MYO10: variants seen among roughly 807,000 people sequenced by gnomAD.
MYO10 encodes the protein unconventional myosin-X.
A neutral mutation model predicts 257.3 loss-of-function variants in MYO10; 133 were observed. That is an observed-to-expected ratio of 0.52 (90% CI 0.45 to 0.60). MYO10 has a LOEUF of 0.60. Ranked by LOEUF, MYO10 falls within the 20% of genes least tolerant of loss-of-function variation. The probability of loss-of-function intolerance (pLI) is 0.00; values close to 1 mark genes in which losing one functional copy is unlikely to be tolerated. For missense variants in MYO10, 2,399 were observed against 2,635.7 expected (o/e 0.91, Z 1.97); for synonymous variants, 1,104 against 1,028.6 (o/e 1.07, Z -1.40).
At position 16,664,555 on chromosome 5, in the gene MYO10, G is replaced by A. The variant is rs1283543861; in HGVS notation, c.*2137C>T. 6.6e-6 allele frequency: 1 copy of A among 152,228 alleles called. No homozygotes were observed. Among genetic ancestry groups the A allele is most frequent in the Non-Finnish European group, 1.5e-5 (1 of 68,054 alleles). 9.4% of individuals were successfully genotyped at this position (152,228 alleles called of 1,614,324 possible). ...GAAGCCATCCGTGAGCATGAGCAGA[G>A]GGTGGGAGTCAGTGGTCTGCAAGAG... On this transcript the variant is annotated 3_prime_UTR_variant, in exon 41 of 41. Transcript: ENST00000513610.
At chr5:16,906,536 C>A (rs914648219) in intron 1 of MYO10, among the ~76,000 whole-genome samples, 5 of 152,170 alleles carry the variant, frequency 3.3e-5, no homozygotes, top group Admixed American at 1.3e-4. Flanking sequence ...CTTCTTCAGG[C>A]CCAGGAACAT....
At chr5:16,890,630 A>G (rs1745022468) in intron 1 of MYO10, among the ~76,000 whole-genome samples, 2 of 151,686 alleles carry the variant, frequency 1.3e-5, no homozygotes, top group African/African-American at 4.9e-5. Context: ...ACCTGAGGTC[A>G]GGAGTTCGAG....
At chr5:16,858,708 T>A (rs1015692637) in intron 2 of MYO10, among the ~76,000 whole-genome samples, 1 of 152,080 alleles carries the variant, frequency 6.6e-6, no homozygotes, top group Non-Finnish European at 1.5e-5. Context: ...GCCTGTAATC[T>A]CAACACTCTG....
At chr5:16,676,588 T>C (rs1490608909) in intron 33 of MYO10, among the ~76,000 whole-genome samples, 1 of 152,022 alleles carries the variant, frequency 6.6e-6, no homozygotes, top group Non-Finnish European at 1.5e-5. Flanking sequence ...GGTGGCTGAG[T>C]AGCTGTAATC....
chr5:16,935,290 C>T (rs1746402871), intron 1 of MYO10, among the ~76,000 whole-genome samples: 2 of 152,226 alleles, frequency 1.3e-5, no homozygotes, highest in South Asian at 4.1e-4. Context: ...CGATTAAACC[C>T]TTGCCTCTCC....
chr5:16,762,646 AG>A lies in MYO10; in HGVS notation c.1495-10del, dbSNP rs761190545. 2 of 1,569,946 alleles carry A rather than the reference AG, an allele frequency of 1.3e-6. No individual in the cohort carries two copies. Among genetic ancestry groups the A allele is most frequent in the Non-Finnish European group, 1.7e-6 (2 of 1,152,478 alleles). On this transcript the variant is annotated splice_polypyrimidine_tract_variant and intron_variant, in intron 14 of 40. Transcript: ENST00000513610. ...GCTAGGAGGCCAAGTTTCTAGAAGAAGAAAAAGAAAAAATGAATTAAAAGTT... is the reference window on the plus strand; with the variant it reads ...GCTAGGAGGCCAAGTTTCTAGAAGAAAAAAAGAAAAAATGAATTAAAAGTT...
At position 16,764,470 on chromosome 5, in the gene MYO10, T is replaced by C. The variant is rs1322795200; in HGVS notation, c.1180-74A>G. The stretch of plus-strand genomic sequence containing the variant: ...ACAGGCAAGGCCATCCATTCCCCAC[T>C]TGAGAGACACACACAAGACTAGCAT... On this transcript the variant is annotated intron_variant, in intron 11 of 40. Coordinates refer to ENST00000513610, the MANE Select transcript of MYO10 (RefSeq NM_012334.3). The C allele has an allele frequency of 1.1e-5, 17 of 1,547,884 alleles. No individual in the cohort carries two copies. In the African/African-American group the frequency reaches 1.5e-4, roughly 14 times the overall value.
intron 27 of MYO10, among the ~76,000 whole-genome samples, chr5:16,693,960 ACTC>A (rs1315563458): frequency 6.6e-6 from 1 of 151,792 alleles, no homozygotes; most frequent in Non-Finnish European, 1.5e-5. Context: ...ATTTCGGAAA[ACTC>A]CTCCAGTCTG....
intron 29 of MYO10, among the ~76,000 whole-genome samples, chr5:16,684,437 C>T (rs1395123726): frequency 6.6e-6 from 1 of 152,106 alleles, no homozygotes; most frequent in Non-Finnish European, 1.5e-5. Flanking sequence ...GATGGGGTCT[C>T]GCCATGTTGG....
At chr5:16,718,920 C>A (rs1739022820) in intron 19 of MYO10, among the ~76,000 whole-genome samples, 1 of 152,154 alleles carries the variant, frequency 6.6e-6, no homozygotes, top group Non-Finnish European at 1.5e-5. Context: ...TGTAAACGCG[C>A]CAATCAGCGC....
chr5:16,871,743 G>C (rs1230068646), intron 2 of MYO10, among the ~76,000 whole-genome samples: 2 of 152,174 alleles, frequency 1.3e-5, no homozygotes, highest in African/African-American at 4.8e-5. Context: ...GTAAAGAGGG[G>C]AAGACTATGT....
Position 16,823,467 on chromosome 5 carries a change from G to GGTTTTTT in MYO10, c.121-5301_121-5300insAAAAAAC, listed in dbSNP as rs1561003861. 7.0e-3 allele frequency among the ~76,000 whole-genome samples: 28 copies of GGTTTTTT among 3,984 alleles called. 2 individuals are homozygous for GGTTTTTT. Among genetic ancestry groups the GGTTTTTT allele is most frequent in the South Asian group, 0.014 (1 of 74 alleles). The allele number at this position is 3,984 out of a possible 152,430, so 2.6% of individuals were successfully genotyped here. A position where few individuals can be genotyped will look rare whatever the true frequency, so the allele number is the denominator to read the frequency against. On this transcript the variant is annotated intron_variant, in intron 2 of 40. Coordinates refer to ENST00000513610, the MANE Select transcript of MYO10 (RefSeq NM_012334.3). Reference sequence around the variant, plus strand: ...CTTGCGCGGGGGGGGGGGGAGTGGGGATTTTTTTTTTTTTTTTTTTGTGAG... The same window carrying GGTTTTTT: ...CTTGCGCGGGGGGGGGGGGAGTGGGGGTTTTTTATTTTTTTTTTTTTTTTTTTGTGAG...
Position 16,810,297 on chromosome 5 carries a change from G to C in MYO10, c.279+7712C>G, listed in dbSNP as rs115926142. Among the ~76,000 whole-genome samples, 830 of 152,246 alleles carry C rather than the reference G, an allele frequency of 5.5e-3. 9 individuals are homozygous for C. Among genetic ancestry groups the C allele is most frequent in the African/African-American group, 0.019 (777 of 41,536 alleles). On this transcript the variant is annotated intron_variant, in intron 3 of 40. Transcript: ENST00000513610. ...CAGCACTTGACAAGACCGGGAGACA[G>C]TGACATGGAGCCTCTTCCATCACCT...
chr5:16,792,869 C>A (rs1034361610), intron 4 of MYO10, among the ~76,000 whole-genome samples: 2 of 152,266 alleles, frequency 1.3e-5, no homozygotes, highest in African/African-American at 2.4e-5. Flanking sequence ...AGTGTCCCCC[C>A]CTCCCCCGAC....
At chr5:16,731,908 G>C (rs1421578349) in intron 19 of MYO10, among the ~76,000 whole-genome samples, 1 of 152,124 alleles carries the variant, frequency 6.6e-6, no homozygotes, top group Non-Finnish European at 1.5e-5. Flanking sequence ...TAGTATGCAT[G>C]CTATGCTGCC....
chr5:16,792,130 CACAGAGAGAGAGAGAG>C (rs1741780464), intron 4 of MYO10, among the ~76,000 whole-genome samples: 2 of 80,608 alleles, frequency 2.5e-5, no homozygotes, highest in Non-Finnish European at 6.6e-5. Context: ...CACACACACA[CACAGAGAGAGAGAGAG>C]AGAGAGAGAG....
At chr5:16,831,337 A>G (rs1053661689) in intron 2 of MYO10, among the ~76,000 whole-genome samples, 1 of 152,184 alleles carries the variant, frequency 6.6e-6, no homozygotes, top group African/African-American at 2.4e-5. Context: ...TAAAAGTAGA[A>G]CTACCATTTG....
Position 16,765,476 on chromosome 5 carries a change from C to A in MYO10, c.1179+604G>T, listed in dbSNP as rs147640118. 2.3e-3 allele frequency among the ~76,000 whole-genome samples: 349 copies of A among 152,202 alleles called. 12 individuals carry two copies. The highest frequency in any genetic ancestry group is 0.023 in the Admixed American group (346 of 15,280). The stretch of plus-strand genomic sequence containing the variant: ...ATGTAAGTTAATACTTAATAAACTC[C>A]CCTTTATATCTATCAATCTATCTAT... On this transcript the variant is annotated intron_variant, in intron 11 of 40. Transcript: ENST00000513610.
At chr5:16,766,719 C>T (rs952021340) in intron 10 of MYO10, among the ~76,000 whole-genome samples, 1 of 151,966 alleles carries the variant, frequency 6.6e-6, no homozygotes, top group Non-Finnish European at 1.5e-5. Flanking sequence ...CCCGCCTTGG[C>T]CTCCCAAAGT....
Sources: allele counts gnomAD v4.1 joint callset (sites outside exome capture counted in the v4.1 genomes callset), GRCh38; gene constraint gnomAD v4.1.1; transcripts MANE v1.5; gene names NCBI Gene and HGNC (gene_info 2026-07-23, HGNC 2026-07-21).